Variants in HPCAL1 observed in about 807,000 individuals in gnomAD.
HPCAL1 encodes hippocalcin-like protein 1.
Under a neutral mutation model 17.1 loss-of-function variants are expected in HPCAL1, and 8 were observed. The ratio of observed to expected loss-of-function variants is 0.47; its 90% CI spans 0.27 to 0.84. The LOEUF (loss-of-function observed/expected upper bound fraction) is 0.84. Ranked by LOEUF, HPCAL1 falls within the 40% of genes least tolerant of loss-of-function variation. The probability of loss-of-function intolerance (pLI) is 0.13; values close to 1 mark genes in which losing one functional copy is unlikely to be tolerated. For synonymous variants in HPCAL1, 112 were observed against 111.4 expected, an observed-to-expected ratio of 1.01 and a Z score of -0.03; for missense variants, 165 against 271.1, an observed-to-expected ratio of 0.61 and a Z score of 2.75.
rs1462438987 is a variant in HPCAL1 at position 10,395,110 on chromosome 2, TAA to T, written c.-110-1722_-110-1721del. ...TGGTGTCCAGCCTAAAATCTATCTT[TAA>T]AACACACACACACACACACACACAC... is the stretch of plus-strand genomic sequence containing the variant. On this transcript the variant is annotated intron_variant, in intron 1 of 4. Transcript: ENST00000307845. This position sits in a 1 kb window ranked among gnomAD's most constrained non-coding sequence, Gnocchi z 4.4. Among the ~76,000 whole-genome samples, 3 of 114,948 alleles carry T rather than the reference TAA, an allele frequency of 2.6e-5. No homozygotes were observed. The highest frequency in any genetic ancestry group is 1.1e-4 in the African/African-American group (3 of 27,990). The allele number at this position is 114,948 out of a possible 152,430, so 75.4% of individuals were successfully genotyped here.
At chr2:10,411,320 A>G (rs1670338918) in intron 2 of HPCAL1, among the ~76,000 whole-genome samples, 1 of 152,120 alleles carries the variant, frequency 6.6e-6, no homozygotes, top group Non-Finnish European at 1.5e-5. Context: ...CTGGGTCCAC[A>G]GCCCACCACC....
At chr2:10,409,839 GAGTGC>G (rs1474426300) in intron 2 of HPCAL1, among the ~76,000 whole-genome samples, 1 of 141,336 alleles carries the variant, frequency 7.1e-6, no homozygotes, top group African/African-American at 2.7e-5. Flanking sequence ...GCCCAGGCTG[GAGTGC>G]AGTGGCACCA....
rs563743552 is a variant in HPCAL1 at position 10,367,632 on chromosome 2, G to A, written c.-110-29203G>A. On this transcript the variant is annotated intron_variant, in intron 1 of 4. Coordinates refer to ENST00000307845, the MANE Select transcript of HPCAL1 (RefSeq NM_002149.4). This position sits in a 1 kb window ranked among gnomAD's most constrained non-coding sequence, Gnocchi z 4.4. ...GGGTTGGTTTAGATGTAAATTTTAT[G>A]CTTCCTTGCAAAAATTTGTCGAAAG... Among the ~76,000 whole-genome samples, 1 of 152,302 alleles carries A rather than the reference G, an allele frequency of 6.6e-6. No homozygotes were observed. Among genetic ancestry groups the A allele is most frequent in the South Asian group, 2.1e-4 (1 of 4,824 alleles).
chr2:10,388,950 C>T (rs989712528), intron 1 of HPCAL1, among the ~76,000 whole-genome samples: 8 of 151,972 alleles, frequency 5.3e-5, no homozygotes, highest in South Asian at 2.1e-4. Context: ...GAAGAGGATG[C>T]GAGCCAGACC....
chr2:10,337,223 C>T (rs1664777159), intron 1 of HPCAL1, among the ~76,000 whole-genome samples: 1 of 152,142 alleles, frequency 6.6e-6, no homozygotes, highest in South Asian at 2.1e-4. Context: ...GATTTTGAGC[C>T]AAGACCACTC....
rs927337745 is a variant in HPCAL1 at position 10,354,796 on chromosome 2, G to A, written c.-110-42039G>A. 2.6e-5 allele frequency among the ~76,000 whole-genome samples: 4 copies of A among 152,248 alleles called. No individual in the cohort carries two copies. The highest frequency in any genetic ancestry group is 7.2e-5 in the African/African-American group (3 of 41,464). On this transcript the variant is annotated intron_variant, in intron 1 of 4. Transcript: ENST00000307845. This position sits in a 1 kb window ranked among gnomAD's most constrained non-coding sequence, Gnocchi z 5.1. ...TACAAATGCCCTGGGTTTTCCAAAC[G>A]TGTCTGATCTTAAATACACAGCCCT...
intron 2 of HPCAL1, among the ~76,000 whole-genome samples, chr2:10,397,337 C>T (rs1222100271): frequency 6.6e-6 from 1 of 152,110 alleles, no homozygotes; most frequent in East Asian, 1.9e-4. Context: ...AGCCCCTGTA[C>T]CTGGAAGCTT....
chr2:10,381,193 A>G (rs534556506), intron 1 of HPCAL1, among the ~76,000 whole-genome samples: 8 of 152,236 alleles, frequency 5.3e-5, no homozygotes, highest in Non-Finnish European at 1.2e-4. Flanking sequence ...AGATGCATGT[A>G]TCTGTGAAAT....
chr2:10,375,864 G>A (rs1667524281), intron 1 of HPCAL1, among the ~76,000 whole-genome samples: 1 of 152,222 alleles, frequency 6.6e-6, no homozygotes, highest in African/African-American at 2.4e-5. Flanking sequence ...CAAGAGAGTA[G>A]CTGCGGAGAC....
At chr2:10,328,895 A>C (rs1572648113) in intron 1 of HPCAL1, among the ~76,000 whole-genome samples, 7 of 148,100 alleles carry the variant, frequency 4.7e-5, no homozygotes, top group African/African-American at 7.5e-5. Flanking sequence ...CTGACACCCC[A>C]CCCCCACTCC....
At chr2:10,372,306 C>A (rs568245211) in intron 1 of HPCAL1, among the ~76,000 whole-genome samples, 1 of 74,434 alleles carries the variant, frequency 1.3e-5, no homozygotes, top group East Asian at 4.1e-4. Context: ...CCATGGGGGC[C>A]CCACTGGAGT....
chr2:10,412,251 G>C (rs535092290), intron 2 of HPCAL1, among the ~76,000 whole-genome samples: 1 of 152,356 alleles, frequency 6.6e-6, no homozygotes, highest in Admixed American at 6.5e-5. Flanking sequence ...TCACAGCAAA[G>C]GCATCATGGT....
At chr2:10,325,886 G>A (rs942278085) in intron 1 of HPCAL1, among the ~76,000 whole-genome samples, 2 of 152,214 alleles carry the variant, frequency 1.3e-5, no homozygotes, top group East Asian at 1.9e-4. Flanking sequence ...CATGGGAGCC[G>A]CTGGCCTTTT....
At chr2:10,337,302 C>A (rs1418676349) in intron 1 of HPCAL1, among the ~76,000 whole-genome samples, 1 of 152,146 alleles carries the variant, frequency 6.6e-6, no homozygotes, top group Non-Finnish European at 1.5e-5. Flanking sequence ...CGTATTCTTA[C>A]AAGTAGAATT....
chr2:10,419,870 G>T lies in HPCAL1; in HGVS notation c.113G>T (p.Cys38Phe). Reference sequence around the variant, plus strand: ...TGGTACAAGGGCTTCCTCAAGGACTGCCCCACCGGCCACCTGACCGTGGAC... The same window carrying T: ...TGGTACAAGGGCTTCCTCAAGGACTTCCCCACCGGCCACCTGACCGTGGAC... ...QEWYKGFLKD[C>F]PTGHLTVDEF... is the part of the protein sequence containing the mutation. The change falls in exon 3 of 5, where the codon TGC becomes TTC. Residue 38 changes from cysteine (C) to phenylalanine (F), a missense_variant. Physicochemically the swap from Cys to Phe is radical, Grantham distance 205 (BLOSUM62 -2). Transcript: ENST00000307845. This position sits in a 1 kb window ranked among gnomAD's most constrained non-coding sequence, Gnocchi z 5.0. 6.2e-7 allele frequency: 1 copy of T among 1,613,860 alleles called. No individual in the cohort carries two copies. Among genetic ancestry groups the T allele is most frequent in the Non-Finnish European group, 8.5e-7 (1 of 1,180,008 alleles).
intron 1 of HPCAL1, among the ~76,000 whole-genome samples, chr2:10,376,893 AATACATAGCG>A (rs2125526986): frequency 7.4e-6 from 1 of 135,050 alleles, no homozygotes; most frequent in South Asian, 2.3e-4. Flanking sequence ...TGTGTAGTAC[AATACATAGCG>A]TATTGTATTG....
rs527355681 is a variant in HPCAL1 at position 10,395,980 on chromosome 2, A to G, written c.-110-855A>G. On this transcript the variant is annotated intron_variant, in intron 1 of 4. Transcript: ENST00000307845. The surrounding 1 kb of genome is among the most constrained non-coding windows in gnomAD (Gnocchi z 4.4). The stretch of plus-strand genomic sequence containing the variant: ...CAGGTTCACGGAGGAGGAGTCACCA[A>G]TCCATGCCCGGGGAGCAGGCAGAGA... 6.6e-6 allele frequency among the ~76,000 whole-genome samples: 1 copy of G among 152,164 alleles called. No homozygotes were observed. The highest frequency in any genetic ancestry group is 1.5e-5 in the Non-Finnish European group (1 of 68,028).
chr2:10,329,544 G>A (rs999868411), intron 1 of HPCAL1, among the ~76,000 whole-genome samples: 6 of 152,234 alleles, frequency 3.9e-5, no homozygotes, highest in Non-Finnish European at 7.3e-5. Flanking sequence ...CCACCCTTAG[G>A]TCCCCCAGAG....
chr2:10,372,973 T>A (rs951241660), intron 1 of HPCAL1, among the ~76,000 whole-genome samples: 1 of 152,222 alleles, frequency 6.6e-6, no homozygotes, highest in African/African-American at 2.4e-5. Flanking sequence ...GGATCAGCCC[T>A]ACAAGGGACC....
Sources: gnomAD v4.1 joint callset for allele counts (sites outside exome capture counted in the v4.1 genomes callset) on GRCh38, gnomAD v4.1.1 for gene constraint, Gnocchi (gnomAD v3.1) non-coding constraint, MANE v1.5 for transcripts, NCBI Gene and HGNC (gene_info 2026-07-23, HGNC 2026-07-21) for gene names.